Variants in VWA8 observed in about 807,000 individuals in gnomAD.
VWA8 encodes the protein von Willebrand factor A domain-containing protein 8.
Under a neutral mutation model 241.5 loss-of-function variants are expected in VWA8, and 221 were observed. The observed-to-expected ratio is 0.91, with a 90% CI of 0.82 to 1.02. VWA8 has a LOEUF of 1.02. Ranked by LOEUF, VWA8 falls within the 50% of genes least tolerant of loss-of-function variation. The pLI, the probability that VWA8 is intolerant of heterozygous loss-of-function variation, is 0.00. For missense variants in VWA8, 2,322 were observed against 2,328.7 expected, an observed-to-expected ratio of 1.00 and a Z score of 0.06; for synonymous variants, 852 against 827.1, an observed-to-expected ratio of 1.03 and a Z score of -0.52.
In VWA8 at chr13:41,567,708, T is replaced by C. The variant is rs2044270313; in HGVS notation, c.*489A>G. 1 of 152,760 alleles carries C rather than the reference T, an allele frequency of 6.5e-6. No individual in the cohort carries two copies. Among genetic ancestry groups the C allele is most frequent in the Admixed American group, 6.5e-5 (1 of 15,316 alleles). 9.5% of individuals were successfully genotyped at this position (152,760 alleles called of 1,614,324 possible). ...TATAAAATCATTGTTTTCTGGTCAA[T>C]ACAGAGCAGGGAGAAAATAAAAATA... On this transcript the variant is annotated 3_prime_UTR_variant, in exon 45 of 45. Transcript: ENST00000379310.
chr13:41,756,201 C>T (rs565443454), intron 21 of VWA8, among the ~76,000 whole-genome samples: 1 of 151,722 alleles, frequency 6.6e-6, no homozygotes, highest in Admixed American at 6.6e-5. Context: ...GGAACAGATC[C>T]TAAAACAACA....
chr13:41,686,497 C>A (rs1010377726), intron 34 of VWA8, among the ~76,000 whole-genome samples: 1 of 151,416 alleles, frequency 6.6e-6, no homozygotes, highest in African/African-American at 2.4e-5. Flanking sequence ...TTGTTCAAGT[C>A]TTTTGCTCAT....
chr13:41,863,416 T>A (rs1354992694), intron 12 of VWA8, among the ~76,000 whole-genome samples: 6 of 84,326 alleles, frequency 7.1e-5, no homozygotes, highest in African/African-American at 1.4e-4. Flanking sequence ...TGTGTGTGTG[T>A]GTGTGTGTGT....
intron 43 of VWA8, among the ~76,000 whole-genome samples, chr13:41,571,523 A>AT (rs1364502361): frequency 1.3e-5 from 2 of 152,046 alleles, no homozygotes; most frequent in South Asian, 2.1e-4. Context: ...TGGTTTTTGC[A>AT]TTTTTTGGTG....
At chr13:41,795,841 T>C (rs1204393413) in intron 17 of VWA8, among the ~76,000 whole-genome samples, 1 of 151,904 alleles carries the variant, frequency 6.6e-6, no homozygotes, top group Non-Finnish European at 1.5e-5. Flanking sequence ...CTAATATAGA[T>C]CCTGGGCTTA....
chr13:41,753,359 T>A (rs545364097), intron 21 of VWA8, among the ~76,000 whole-genome samples: 1 of 152,152 alleles, frequency 6.6e-6, no homozygotes, highest in Non-Finnish European at 1.5e-5. Flanking sequence ...TTTAATCTTG[T>A]CTAAAATTTT....
intron 32 of VWA8, among the ~76,000 whole-genome samples, chr13:41,690,550 G>A (rs960691885): frequency 6.6e-6 from 1 of 152,050 alleles, no homozygotes; most frequent in African/African-American, 2.4e-5. Flanking sequence ...CTAATGGGGT[G>A]CACTCTTATT....
chr13:41,624,453 G>A (rs914536558), intron 37 of VWA8, among the ~76,000 whole-genome samples: 1 of 152,114 alleles, frequency 6.6e-6, no homozygotes, highest in Non-Finnish European at 1.5e-5. Flanking sequence ...AAATCAAGCA[G>A]CACATCAAAA....
intron 4 of VWA8, among the ~76,000 whole-genome samples, chr13:41,892,862 C>T (rs902850470): frequency 1.3e-5 from 2 of 152,310 alleles, no homozygotes; most frequent in East Asian, 1.9e-4. Flanking sequence ...TCTCAGATCA[C>T]CTCCCAATAG....
At chr13:41,654,429 T>G (rs1005649212) in intron 37 of VWA8, among the ~76,000 whole-genome samples, 1 of 152,212 alleles carries the variant, frequency 6.6e-6, no homozygotes, top group Non-Finnish European at 1.5e-5. Flanking sequence ...CCTGGTTTCG[T>G]GGAACAATTT....
At chr13:41,894,960 C>T (rs1008766485) in intron 4 of VWA8, among the ~76,000 whole-genome samples, 1 of 151,658 alleles carries the variant, frequency 6.6e-6, no homozygotes, top group African/African-American at 2.4e-5. Context: ...ATGGCTGCTG[C>T]AGGGACTTGG....
rs1368375464 is a variant in VWA8, at chr13:41,689,443, C to G, written c.4042G>C (p.Ala1348Pro). Residue 1348 changes from alanine (A) to proline (P), a missense_variant, in exon 34 of 45, where the codon GCT (alanine) becomes CCT (proline). Coordinates refer to ENST00000379310, the MANE Select transcript of VWA8 (RefSeq NM_015058.2). ...DQLSSEHLSS[A>P]VEQKIASPNR... ...GGAGAGGCAATCTTTTGTTCCACAG[C>G]TGAACTTAGATGTTCAGATGATAGT... The G allele has an allele frequency of 1.2e-6, 2 of 1,612,032 alleles. No individual in the cohort carries two copies. Among genetic ancestry groups the G allele is most frequent in the South Asian group, 1.1e-5 (1 of 90,964 alleles).
At chr13:41,711,970 T>A (rs114809717) in intron 26 of VWA8, among the ~76,000 whole-genome samples, 1,557 of 150,922 alleles carry the variant, frequency 0.01, 32 homozygotes, top group African/African-American at 0.036. Context: ...CAAAAGCAAA[T>A]CCTTATTGCA....
In VWA8 at chr13:41,570,492, C is replaced by T; in HGVS notation, c.5585G>A (p.Gly1862Asp). 2 of 1,614,094 alleles carry T rather than the reference C, an allele frequency of 1.2e-6. No homozygotes were observed. The highest frequency in any genetic ancestry group is 1.7e-6 in the Non-Finnish European group (2 of 1,180,014). Residue 1862 changes from glycine (G) to aspartate (D), a missense_variant, in exon 44 of 45, where the codon GGC becomes GAC. Coordinates refer to ENST00000379310, the MANE Select transcript of VWA8 (RefSeq NM_015058.2). ...PQVNAFAIFI[G>D]SLGDQATRLQ... ...CCTGGTTGCTTGATCACCTAAAGAG[C>T]CAATAAAAATGGCAAAAGCATTTAC...
At chr13:41,821,091 A>C (rs1385740404) in intron 14 of VWA8, among the ~76,000 whole-genome samples, 1 of 152,210 alleles carries the variant, frequency 6.6e-6, no homozygotes, top group East Asian at 1.9e-4. Context: ...TTAAACCAGT[A>C]GATCAGGAAG....
At chr13:41,738,515 G>A (rs1387638890) in intron 21 of VWA8, among the ~76,000 whole-genome samples, 1 of 152,066 alleles carries the variant, frequency 6.6e-6, no homozygotes, top group Non-Finnish European at 1.5e-5. Flanking sequence ...TATTTAAAAA[G>A]AAATTCTTCA....
intron 17 of VWA8, 76 bp from the exon 18 acceptor site, chr13:41,787,619 C>CACACAG: frequency 1.3e-6 from 1 of 769,570 alleles, no homozygotes; most frequent in Non-Finnish European, 2.3e-6. Flanking sequence ...CACACACACA[C>CACACAG]ACACACACAC....
At chr13:41,616,768 A>T (rs1320024908) in intron 37 of VWA8, among the ~76,000 whole-genome samples, 1 of 152,174 alleles carries the variant, frequency 6.6e-6, no homozygotes, top group African/African-American at 2.4e-5. Context: ...AATTTTATTT[A>T]GCTAACTAAA....
At chr13:41,779,632 C>A (rs989516038) in intron 19 of VWA8, among the ~76,000 whole-genome samples, 2 of 152,120 alleles carry the variant, frequency 1.3e-5, no homozygotes, top group Non-Finnish European at 1.5e-5. Flanking sequence ...AAGCTGAGTT[C>A]TGGTGGGAAT....
Sources: allele counts gnomAD v4.1 joint callset (sites outside exome capture counted in the v4.1 genomes callset), GRCh38; gene constraint gnomAD v4.1.1; transcripts MANE v1.5; gene names NCBI Gene and HGNC (gene_info 2026-07-23, HGNC 2026-07-21).